The following EPHB1 variants were observed in gnomAD, a reference collection of about 807,000 sequenced individuals.
EPHB1 encodes ephrin type-B receptor 1.
Under a neutral mutation model 94.4 loss-of-function variants are expected in EPHB1, and 30 were observed. That is an observed-to-expected ratio of 0.32 (90% confidence interval 0.24 to 0.43). The LOEUF is 0.43. EPHB1 is among the 20% of genes least tolerant of loss of function. The pLI, the probability that EPHB1 is intolerant of heterozygous loss-of-function variation, is 1.00. For synonymous variants in EPHB1, 522 were observed against 489.1 expected, an observed-to-expected ratio of 1.07 and a Z score of -0.89; for missense variants, 1,055 against 1,308.3, an observed-to-expected ratio of 0.81 and a Z score of 2.99.
rs147573148 is a variant in EPHB1 at position 135,044,980 on chromosome 3, C to T, written c.806-61468C>T. On this transcript the variant is annotated intron_variant, in intron 3 of 15. Coordinates refer to ENST00000398015, the MANE Select transcript of EPHB1 (RefSeq NM_004441.5). ...GGCTGAGTATGAACAAGATAGGTTC[C>T]GGAGATGCCTGAGAAGTGCCGAGTA... Among the ~76,000 whole-genome samples the T allele has an allele frequency of 4.2e-3, 633 of 152,172 alleles. 4 individuals are homozygous for T. Among genetic ancestry groups the T allele is most frequent in the African/African-American group, 0.015 (603 of 41,502 alleles).
chr3:134,889,802 C>T lies in EPHB1; in HGVS notation c.59-36014C>T, dbSNP rs1040342737. ...ATGCCATTCTCCTTCCTCAGCCCCC[C>T]GAGAAGCTGGGACTACCGGTGCCCG... On this transcript the variant is annotated intron_variant, in intron 1 of 15. Coordinates refer to ENST00000398015, the MANE Select transcript of EPHB1 (RefSeq NM_004441.5). Among the ~76,000 whole-genome samples the T allele has an allele frequency of 7.9e-5, 12 of 151,912 alleles. No homozygotes were observed. In the East Asian group the frequency reaches 1.2e-3, roughly 15 times the overall value.
At chr3:135,007,593 C>T (rs1304861889) in intron 3 of EPHB1, among the ~76,000 whole-genome samples, 1 of 152,128 alleles carries the variant, frequency 6.6e-6, no homozygotes, top group African/African-American at 2.4e-5. Context: ...CAGACTCACC[C>T]TAGGTCATGG....
chr3:134,944,893 C>T (rs556753702), intron 2 of EPHB1, among the ~76,000 whole-genome samples: 1 of 152,298 alleles, frequency 6.6e-6, no homozygotes, highest in South Asian at 2.1e-4. Context: ...ATTTGTGTGT[C>T]AGAATTCTTA....
At chr3:135,172,608 G>A (rs1029725029) in intron 9 of EPHB1, among the ~76,000 whole-genome samples, 1 of 152,220 alleles carries the variant, frequency 6.6e-6, no homozygotes, top group Non-Finnish European at 1.5e-5. Flanking sequence ...CAGCCCAGAA[G>A]AAATCACCTC....
chr3:135,258,966 C>A (rs1252715576), intron 15 of EPHB1, 46 bp from the exon 16 acceptor site: 1 of 1,452,048 alleles, frequency 6.9e-7, no homozygotes, highest in Non-Finnish European at 9.5e-7. Flanking sequence ...CTGCGAAAAG[C>A]TAACCTAACA....
At chr3:135,021,982 G>C (rs1252063253) in intron 3 of EPHB1, among the ~76,000 whole-genome samples, 2 of 152,048 alleles carry the variant, frequency 1.3e-5, no homozygotes, top group Non-Finnish European at 2.9e-5. Flanking sequence ...GTTGTGTTTT[G>C]TTTGTTTGTT....
At chr3:135,056,876 C>T (rs563414859) in intron 3 of EPHB1, among the ~76,000 whole-genome samples, 2 of 152,168 alleles carry the variant, frequency 1.3e-5, no homozygotes, top group South Asian at 4.2e-4. Context: ...GCCCCAAGGG[C>T]TGCCATGCTG....
At chr3:134,921,755 A>G (rs191021262) in intron 1 of EPHB1, among the ~76,000 whole-genome samples, 3 of 152,354 alleles carry the variant, frequency 2.0e-5, no homozygotes, top group African/African-American at 7.2e-5. Flanking sequence ...AGTAATAGCA[A>G]TACCTCATGT....
intron 7 of EPHB1, 60 bp downstream of exon 7, chr3:135,162,240 G>A: frequency 2.0e-6 from 3 of 1,490,842 alleles, no homozygotes; most frequent in Non-Finnish European, 1.8e-6. Context: ...AGAAAAAGTA[G>A]CCCCAAAGAT....
chr3:134,935,703 A>G (rs1208929439), intron 2 of EPHB1, among the ~76,000 whole-genome samples: 1 of 152,176 alleles, frequency 6.6e-6, no homozygotes, highest in Non-Finnish European at 1.5e-5. Context: ...CCTAACTTGT[A>G]TGGGATGAGG....
rs1553864851 is a variant in EPHB1, at chr3:134,909,120, G to GGGGGGT, written c.59-16695_59-16694insGGGGTG. 2.3e-3 allele frequency among the ~76,000 whole-genome samples: 253 copies of GGGGGGT among 110,428 alleles called. 2 individuals are homozygous for GGGGGGT. Among genetic ancestry groups the GGGGGGT allele is most frequent in the African/African-American group, 9.0e-3 (245 of 27,270 alleles). The allele number at this position is 110,428 out of a possible 152,430, so 72.4% of individuals were successfully genotyped here. On this transcript the variant is annotated intron_variant, in intron 1 of 15. Transcript: ENST00000398015. ...CAGTACACACAAGGTGGGGGCGGGG[G>GGGGGGT]GCGGGCTGGAAGAAAAGCTGATGGA...
intron 3 of EPHB1, among the ~76,000 whole-genome samples, chr3:135,041,968 T>A (rs1291479705): frequency 6.6e-6 from 1 of 152,178 alleles, no homozygotes. Context: ...AGGGTCTCAC[T>A]CTGTCACCTA....
chr3:135,184,264 G>A, intron 10 of EPHB1, among the ~76,000 whole-genome samples: 1 of 152,164 alleles, frequency 6.6e-6, no homozygotes, highest in Non-Finnish European at 1.5e-5. Context: ...TGGCAGTTGT[G>A]CATGTGAGTG....
At chr3:134,872,013 C>A (rs1014920112) in intron 1 of EPHB1, among the ~76,000 whole-genome samples, 20 of 152,196 alleles carry the variant, frequency 1.3e-4, no homozygotes, top group African/African-American at 4.8e-4. Flanking sequence ...CTTCCCTCCA[C>A]CTCTGTTACT....
At chr3:135,121,489 T>A (rs1335473727) in intron 4 of EPHB1, among the ~76,000 whole-genome samples, 2 of 152,248 alleles carry the variant, frequency 1.3e-5, no homozygotes, top group East Asian at 3.8e-4. Context: ...GACTGAAGTG[T>A]GTGTCAATGT....
At chr3:135,216,515 G>A (rs1378339797) in intron 12 of EPHB1, among the ~76,000 whole-genome samples, 2 of 151,846 alleles carry the variant, frequency 1.3e-5, no homozygotes, top group South Asian at 2.1e-4. Context: ...TTGAGGTCAG[G>A]AGTTTGAGAC....
chr3:134,973,965 C>A (rs1157385893), intron 3 of EPHB1, among the ~76,000 whole-genome samples: 2 of 152,082 alleles, frequency 1.3e-5, no homozygotes, highest in Non-Finnish European at 2.9e-5. Flanking sequence ...ACAAGAGGAG[C>A]ATGTCTGCAG....
intron 4 of EPHB1, among the ~76,000 whole-genome samples, chr3:135,122,176 C>G (rs1036549316): frequency 6.6e-5 from 10 of 152,146 alleles, no homozygotes; most frequent in African/African-American, 2.4e-4. Flanking sequence ...CAGCACAGCA[C>G]ACAGGAGGGT....
intron 1 of EPHB1, among the ~76,000 whole-genome samples, chr3:134,848,112 A>C (rs1304109738): frequency 6.6e-6 from 1 of 152,170 alleles, no homozygotes; most frequent in Admixed American, 6.5e-5. Flanking sequence ...TGAGTCTCTT[A>C]TGCTCTGCAT....
Sources: allele counts gnomAD v4.1 joint callset (sites outside exome capture counted in the v4.1 genomes callset), GRCh38; gene constraint gnomAD v4.1.1; transcripts MANE v1.5; gene names NCBI Gene and HGNC (gene_info 2026-07-23, HGNC 2026-07-21).